Variants in PTPRM observed in about 807,000 individuals in gnomAD.
The protein encoded by PTPRM is protein tyrosine phosphatase receptor type M, also known as receptor-type tyrosine-protein phosphatase mu.
A neutral mutation model predicts 186.7 loss-of-function variants in PTPRM; 47 were observed. The ratio of observed to expected loss-of-function variants is 0.25; its 90% CI spans 0.20 to 0.32. The LOEUF (loss-of-function observed/expected upper bound fraction) is 0.32. Among genes scored for constraint, PTPRM ranks in the 10% least tolerant of loss-of-function variants. The probability of loss-of-function intolerance (pLI) is 1.00; values close to 1 mark genes in which losing one functional copy is unlikely to be tolerated. For synonymous variants in PTPRM, 668 were observed against 674.9 expected (o/e 0.99, Z 0.16); for missense variants, 1,494 against 1,865.0 (o/e 0.80, Z 3.66).
intron 19 of PTPRM, among the ~76,000 whole-genome samples, chr18:8,283,876 T>C (rs2094929151): frequency 6.6e-6 from 1 of 152,158 alleles, no homozygotes; most frequent in African/African-American, 2.4e-5. Context: ...CTGCCTTGTC[T>C]TCCCAAAGTG....
chr18:7,945,359 G>A (rs1274076353), intron 5 of PTPRM, among the ~76,000 whole-genome samples: 1 of 151,902 alleles, frequency 6.6e-6, no homozygotes, highest in African/African-American at 2.4e-5. Context: ...AGCTATTTGG[G>A]AGGCAGAGGC....
chr18:8,048,900 G>T (rs183217303), intron 7 of PTPRM, among the ~76,000 whole-genome samples: 3 of 152,148 alleles, frequency 2.0e-5, no homozygotes, highest in African/African-American at 7.2e-5. Flanking sequence ...AGAGTGAATG[G>T]TTTGGGTTCT....
intron 7 of PTPRM, among the ~76,000 whole-genome samples, chr18:7,997,954 T>C (rs1208052083): frequency 6.6e-6 from 1 of 152,212 alleles, no homozygotes; most frequent in Non-Finnish European, 1.5e-5. Flanking sequence ...GTAGCCATTA[T>C]GGAAGGCAAT....
At chr18:8,321,063 CTGT>C (rs1482131622) in intron 22 of PTPRM, among the ~76,000 whole-genome samples, 1 of 152,154 alleles carries the variant, frequency 6.6e-6, no homozygotes, top group African/African-American at 2.4e-5. Context: ...TTAGAGGAAC[CTGT>C]TGTTAGGGGT....
At chr18:7,605,428 C>A (rs1050954547) in intron 1 of PTPRM, among the ~76,000 whole-genome samples, 8 of 151,830 alleles carry the variant, frequency 5.3e-5, no homozygotes, top group East Asian at 1.9e-4. Context: ...GTCCCCCCCC[C>A]ACTTCCGTTC....
intron 1 of PTPRM, among the ~76,000 whole-genome samples, chr18:7,737,567 A>G (rs952225701): frequency 3.9e-5 from 6 of 152,240 alleles, no homozygotes; most frequent in African/African-American, 1.4e-4. Flanking sequence ...ACCAGTGTGC[A>G]TCTGGCTACT....
At chr18:8,267,258 A>G (rs1459786325) in intron 19 of PTPRM, among the ~76,000 whole-genome samples, 2 of 152,216 alleles carry the variant, frequency 1.3e-5, no homozygotes, top group Non-Finnish European at 2.9e-5. Flanking sequence ...TCCAATTAAC[A>G]TAATTTATCT....
At chr18:7,671,204 T>TA (rs1399633845) in intron 1 of PTPRM, among the ~76,000 whole-genome samples, 1 of 152,168 alleles carries the variant, frequency 6.6e-6, no homozygotes, top group Non-Finnish European at 1.5e-5. Flanking sequence ...GACAGGTAAT[T>TA]ATATACACAC....
At chr18:8,212,524 T>C (rs1193776668) in intron 14 of PTPRM, among the ~76,000 whole-genome samples, 1 of 152,244 alleles carries the variant, frequency 6.6e-6, no homozygotes, top group African/African-American at 2.4e-5. Context: ...TATCTATGGC[T>C]GGACACAGTT....
At chr18:7,744,025 G>A (rs78660765) in intron 1 of PTPRM, among the ~76,000 whole-genome samples, 1,664 of 152,262 alleles carry the variant, frequency 0.011, 32 homozygotes, top group African/African-American at 0.038. Context: ...GTGGATTTAT[G>A]TTATTTGGAC....
chr18:7,688,006 G>C (rs1021900339), intron 1 of PTPRM, among the ~76,000 whole-genome samples: 1 of 152,030 alleles, frequency 6.6e-6, no homozygotes, highest in African/African-American at 2.4e-5. Context: ...TCGATCTCTT[G>C]ACTTTGTGAT....
chr18:7,679,540 C>T (rs1376116474), intron 1 of PTPRM, among the ~76,000 whole-genome samples: 1 of 152,170 alleles, frequency 6.6e-6, no homozygotes, highest in Non-Finnish European at 1.5e-5. Context: ...TGGCATGTGC[C>T]TGTAATCCCA....
chr18:7,931,335 A>ATG (rs1246096292), intron 5 of PTPRM, among the ~76,000 whole-genome samples: 1 of 150,596 alleles, frequency 6.6e-6, no homozygotes, highest in African/African-American at 2.4e-5. Flanking sequence ...GTGTGTGTAT[A>ATG]TATATATAAC....
At chr18:7,620,639 A>T (rs1395300258) in intron 1 of PTPRM, among the ~76,000 whole-genome samples, 1 of 152,176 alleles carries the variant, frequency 6.6e-6, no homozygotes, top group Non-Finnish European at 1.5e-5. Context: ...ACTCTTGGGA[A>T]TTGGAAATAT....
At chr18:8,158,547 A>G (rs570075355) in intron 14 of PTPRM, among the ~76,000 whole-genome samples, 136 of 152,354 alleles carry the variant, frequency 8.9e-4, no homozygotes, top group African/African-American at 3.2e-3. Flanking sequence ...AAAGAAATAT[A>G]TGCATTAAGA....
intron 1 of PTPRM, among the ~76,000 whole-genome samples, chr18:7,747,027 T>A (rs973218539): frequency 3.3e-5 from 5 of 152,192 alleles, no homozygotes; most frequent in Non-Finnish European, 7.3e-5. Context: ...TTTTCCTCCT[T>A]TTCCCAGGGT....
At chr18:8,345,075 T>G (rs889922764) in intron 23 of PTPRM, among the ~76,000 whole-genome samples, 2 of 152,174 alleles carry the variant, frequency 1.3e-5, no homozygotes, top group Non-Finnish European at 2.9e-5. Flanking sequence ...TAATTAGAAC[T>G]GTGAATCATA....
At chr18:7,881,377 G>A (rs538636730) in intron 2 of PTPRM, among the ~76,000 whole-genome samples, 165 of 152,358 alleles carry the variant, frequency 1.1e-3, no homozygotes, top group African/African-American at 3.6e-3. Context: ...AGAGGTTGCA[G>A]TGAGCCGAGT....
intron 4 of PTPRM, among the ~76,000 whole-genome samples, chr18:7,921,963 A>G (rs1217145155): frequency 2.0e-5 from 3 of 152,142 alleles, no homozygotes; most frequent in African/African-American, 7.2e-5. Flanking sequence ...TTTGCATTGA[A>G]GGGTTGGTTA....
Sources: gnomAD v4.1 joint callset for allele counts (sites outside exome capture counted in the v4.1 genomes callset) on GRCh38, gnomAD v4.1.1 for gene constraint, MANE v1.5 for transcripts, NCBI Gene and HGNC (gene_info 2026-07-23, HGNC 2026-07-21) for gene names.